FSHR: variants seen among roughly 807,000 people sequenced by gnomAD.
The protein encoded by FSHR is follicle-stimulating hormone receptor.
Under a neutral mutation model 52.1 loss-of-function variants are expected in FSHR, and 46 were observed. The observed-to-expected ratio is 0.88, with a 90% CI of 0.70 to 1.13. The LOEUF (loss-of-function observed/expected upper bound fraction) is 1.13. Ranked by LOEUF, FSHR falls within the 50% of genes most tolerant of loss-of-function variation. The pLI, the probability that FSHR is intolerant of heterozygous loss-of-function variation, is 0.00. For missense variants in FSHR, 964 were observed against 834.6 expected, an observed-to-expected ratio of 1.16 and a Z score of -1.91; for synonymous variants, 399 against 309.6, an observed-to-expected ratio of 1.29 and a Z score of -3.03.
intron 2 of FSHR, among the ~76,000 whole-genome samples, chr2:49,025,525 CATATA>C (rs764806665): frequency 3.5e-4 from 54 of 152,132 alleles, no homozygotes; most frequent in African/African-American, 1.1e-3. Context: ...GTGTAATATG[CATATA>C]ATATAATTAT....
intron 1 of FSHR, among the ~76,000 whole-genome samples, chr2:49,132,968 T>TAAAAAAAAAAAAAAAAAA (rs34913428): frequency 4.1e-5 from 2 of 48,650 alleles, no homozygotes; most frequent in African/African-American, 1.7e-4. Context: ...TAAAACTCAG[T>TAAAAAAAAAAAAAAAAAA]AAAAAAAAAA....
At chr2:49,024,064 A>G (rs1667833941) in intron 2 of FSHR, among the ~76,000 whole-genome samples, 1 of 152,156 alleles carries the variant, frequency 6.6e-6, no homozygotes, top group Non-Finnish European at 1.5e-5. Flanking sequence ...CACCATTATA[A>G]CTGATACTCA....
rs1168892030 is a variant in FSHR, at chr2:49,124,107, C to T, written c.152+30159G>A. On this transcript the variant is annotated intron_variant, in intron 1 of 9. Coordinates refer to ENST00000406846, the MANE Select transcript of FSHR (RefSeq NM_000145.4). ...CTCCCGGGTTTAGGCAATTCTCTGTCTCAGCCTCCCGAGTAGCTGGGATTA... is the reference window on the plus strand; with the variant it reads ...CTCCCGGGTTTAGGCAATTCTCTGTTTCAGCCTCCCGAGTAGCTGGGATTA... Among the ~76,000 whole-genome samples the T allele has an allele frequency of 7.3e-5, 11 of 151,670 alleles. No homozygotes were observed. The East Asian group carries it at 1.9e-3, about 27-fold the overall frequency.
Position 48,962,985 on chromosome 2 carries a change from A to T in FSHR, c.1836T>A (p.Val612=). The change falls in exon 10 of 10, where the codon GTT becomes GTA. Residue 612 remains valine (V), a synonymous_variant. Transcript: ENST00000406846. The stretch of plus-strand genomic sequence containing the variant: ...CACAGGAGTTGATGGGGTGAAACAG[A>T]ACCAGCAGAATCTTTGCTTTGGACA... ...ITVSKAKILL[V]LFHPINSCAN... The T allele has an allele frequency of 2.5e-6, 4 of 1,614,180 alleles. No individual in the cohort carries two copies. Among genetic ancestry groups the T allele is most frequent in the Non-Finnish European group, 3.4e-6 (4 of 1,180,028 alleles).
At chr2:48,973,306 A>C (rs1674829682) in intron 8 of FSHR, among the ~76,000 whole-genome samples, 1 of 150,320 alleles carries the variant, frequency 6.7e-6, no homozygotes, top group African/African-American at 2.5e-5. Context: ...GCACACACAC[A>C]CCCAATAAAC....
At chr2:49,017,599 T>C (rs369119142) in intron 3 of FSHR, 36 bp from the exon 4 acceptor site, 90 of 1,437,216 alleles carry the variant, frequency 6.3e-5, no homozygotes, top group Non-Finnish European at 8.0e-5. Flanking sequence ...GTGATCTTGA[T>C]GGTAAGGAAT....
chr2:49,047,408 G>C (rs527669484), intron 2 of FSHR, among the ~76,000 whole-genome samples: 2 of 152,310 alleles, frequency 1.3e-5, no homozygotes, highest in East Asian at 3.9e-4. Flanking sequence ...AGAGAGTGAG[G>C]AGCCCATCAA....
chr2:48,963,872 C>G lies in FSHR; in HGVS notation c.949G>C (p.Asp317His). 2 of 1,614,094 alleles carry G rather than the reference C, an allele frequency of 1.2e-6. No individual in the cohort carries two copies. Among genetic ancestry groups the G allele is most frequent in the Non-Finnish European group, 1.7e-6 (2 of 1,179,980 alleles). Reference sequence around the variant, plus strand: ...CCTCTGCTGTAGCTGGACTCATTGTCTTCTGCCAGAGAGGATCTCTGACCC... The same window carrying G: ...CCTCTGCTGTAGCTGGACTCATTGTGTTCTGCCAGAGAGGATCTCTGACCC... Reference protein sequence around the residue: ...ARGQRSSLAEDNESSYSRGFD... With the variant: ...ARGQRSSLAEHNESSYSRGFD... Residue 317 changes from aspartate (D) to histidine (H), a missense_variant, in exon 10 of 10, where the codon GAC becomes CAC. Transcript: ENST00000406846.
intron 2 of FSHR, among the ~76,000 whole-genome samples, chr2:49,042,694 A>C (rs912289437): frequency 1.3e-5 from 2 of 152,202 alleles, no homozygotes; most frequent in African/African-American, 2.4e-5. Flanking sequence ...CAAATGGTGC[A>C]TAGTCAGCTC....
intron 2 of FSHR, among the ~76,000 whole-genome samples, chr2:49,020,362 C>T (rs924955871): frequency 3.3e-5 from 5 of 152,080 alleles, no homozygotes; most frequent in African/African-American, 7.2e-5. Context: ...GAGAATAAGT[C>T]GAAGGCTGTG....
At chr2:49,018,430 T>C (rs1201798077) in intron 3 of FSHR, among the ~76,000 whole-genome samples, 1 of 152,196 alleles carries the variant, frequency 6.6e-6, no homozygotes, top group Non-Finnish European at 1.5e-5. Context: ...AAACTGTAGC[T>C]ACCCAGATCT....
chr2:48,996,484 G>T (rs910482477), intron 4 of FSHR, among the ~76,000 whole-genome samples: 1 of 152,060 alleles, frequency 6.6e-6, no homozygotes, highest in Non-Finnish European at 1.5e-5. Flanking sequence ...TCTATTTAAA[G>T]ACACCTTATT....
chr2:48,979,441 C>T (rs1675142022), intron 8 of FSHR, among the ~76,000 whole-genome samples: 1 of 151,958 alleles, frequency 6.6e-6, no homozygotes, highest in South Asian at 2.1e-4. Flanking sequence ...ACCACAAAAA[C>T]ACCCCCCCAA....
At chr2:49,040,310 T>A (rs201213830) in intron 2 of FSHR, among the ~76,000 whole-genome samples, 2 of 147,344 alleles carry the variant, frequency 1.4e-5, no homozygotes, top group African/African-American at 2.5e-5. Flanking sequence ...TACCTCAGAC[T>A]GGGGAGTGGG....
At chr2:49,102,175 T>C (rs969413167) in intron 1 of FSHR, among the ~76,000 whole-genome samples, 1 of 152,188 alleles carries the variant, frequency 6.6e-6, no homozygotes, top group African/African-American at 2.4e-5. Flanking sequence ...TTTATATTTC[T>C]GGCTATTTGC....
intron 1 of FSHR, among the ~76,000 whole-genome samples, chr2:49,136,430 C>T (rs926952913): frequency 6.6e-6 from 1 of 151,998 alleles, no homozygotes; most frequent in Non-Finnish European, 1.5e-5. Flanking sequence ...TGAATTCTAC[C>T]AAATATTTAA....
chr2:49,119,185 G>A (rs941960234), intron 1 of FSHR, among the ~76,000 whole-genome samples: 7 of 152,122 alleles, frequency 4.6e-5, no homozygotes, highest in African/African-American at 1.4e-4. Context: ...GATATTATTG[G>A]GGAATGTGAT....
intron 1 of FSHR, among the ~76,000 whole-genome samples, chr2:49,109,716 A>T (rs2103749048): frequency 6.6e-6 from 1 of 152,318 alleles, no homozygotes; most frequent in Middle Eastern, 3.4e-3. Flanking sequence ...CACATCTTCT[A>T]AAAATCTTCT....
In FSHR at chr2:49,154,393, G is replaced by C. The variant is rs533522852; in HGVS notation, c.25C>G (p.Leu9Val). The change falls in exon 1 of 10, where the codon CTG becomes GTG. Residue 9 changes from leucine to valine, a missense_variant. Transcript: ENST00000406846. MALLLVSL[L>V]AFLSLGSGCH... ...CCTGAGCCCAAGCTCAGGAATGCCAGCAAAGAGACCAGGAGCAGGGCCATA... is the reference window on the plus strand; with the variant it reads ...CCTGAGCCCAAGCTCAGGAATGCCACCAAAGAGACCAGGAGCAGGGCCATA... 2.8e-5 allele frequency: 45 copies of C among 1,612,956 alleles called. 1 individual carries two copies. In the South Asian group the frequency reaches 4.6e-4, roughly 17 times the overall value.
Sources: gnomAD v4.1 joint callset for allele counts (sites outside exome capture counted in the v4.1 genomes callset) on GRCh38, gnomAD v4.1.1 for gene constraint, MANE v1.5 for transcripts, NCBI Gene and HGNC (gene_info 2026-07-23, HGNC 2026-07-21) for gene names.